CELSR1: variants seen among roughly 807,000 people sequenced by gnomAD.
The protein encoded by CELSR1 is adhesion G protein-coupled receptor C1.
A neutral mutation model predicts 249.1 loss-of-function variants in CELSR1; 110 were observed. That is an observed-to-expected ratio of 0.44 (90% CI 0.38 to 0.52). The LOEUF (loss-of-function observed/expected upper bound fraction) is 0.52, where lower values mean the gene tolerates loss of function less well. CELSR1 is among the 20% of genes least tolerant of loss of function. CELSR1 has a pLI of 0.00. For missense variants in CELSR1, 4,109 were observed against 4,296.4 expected, an observed-to-expected ratio of 0.96 and a Z score of 1.22; for synonymous variants, 2,113 against 1,900.0, an observed-to-expected ratio of 1.11 and a Z score of -2.92.
chr22:46,468,751 T>A lies in CELSR1; in HGVS notation c.3545-4406A>T, dbSNP rs1044604704. Among the ~76,000 whole-genome samples, 4 of 152,106 alleles carry A rather than the reference T, an allele frequency of 2.6e-5. No homozygotes were observed. The highest frequency in any genetic ancestry group is 7.2e-5 in the African/African-American group (3 of 41,428). ...ACACACTTAAAAATGGTTAAAGTGGTAAACGTATGTGTATTTTACCACAAT... is the reference window on the plus strand; with the variant it reads ...ACACACTTAAAAATGGTTAAAGTGGAAAACGTATGTGTATTTTACCACAAT... On this transcript the variant is annotated intron_variant, in intron 1 of 34. Coordinates refer to ENST00000674500, the MANE Select transcript of CELSR1 (RefSeq NM_001378328.1). The surrounding 1 kb of genome is among the most constrained non-coding windows in gnomAD (Gnocchi z 4.5).
rs2079346066 is a variant in CELSR1, at chr22:46,412,240, C to T, written c.4612-481G>A. On this transcript the variant is annotated intron_variant, in intron 5 of 34. Transcript: ENST00000674500. The surrounding 1 kb of genome is among the most constrained non-coding windows in gnomAD (Gnocchi z 4.5). ...TTCGGAGGAGGCACGGCCCTACCCG[C>T]GCCTTGACTTCTAGGCACCAGACTG... Among the ~76,000 whole-genome samples, 1 of 152,184 alleles carries T rather than the reference C, an allele frequency of 6.6e-6. No individual in the cohort carries two copies. Among genetic ancestry groups the T allele is most frequent in the South Asian group, 2.1e-4 (1 of 4,822 alleles).
At position 46,534,570 on chromosome 22, in the gene CELSR1, G is replaced by A. The variant is rs145326342; in HGVS notation, c.2601C>T (p.Asn867=). The stretch of plus-strand genomic sequence containing the variant: ...TGGTGTCTGATTTCTGCGGGATGCC[G>A]TTGTCCTGGGCCATGATGGTCAGCG... ...AYTLTIMAQD[N]GIPQKSDTTT... The change falls in exon 1 of 35, where the codon AAC becomes AAT. Residue 867 remains asparagine (N), a synonymous_variant. Transcript: ENST00000674500. The surrounding 1 kb of genome is among the most constrained non-coding windows in gnomAD (Gnocchi z 9.7). 2.7e-5 allele frequency: 43 copies of A among 1,613,742 alleles called. No homozygotes were observed. Among genetic ancestry groups the A allele is most frequent in the African/African-American group, 1.2e-4 (9 of 75,044 alleles).
chr22:46,507,132 G>C (rs183106239), intron 1 of CELSR1, among the ~76,000 whole-genome samples: 1 of 152,296 alleles, frequency 6.6e-6, no homozygotes, highest in East Asian at 1.9e-4. Context: ...GTTGCAGTGA[G>C]CTGAGACCGC....
rs1031354365 is a variant in CELSR1, at chr22:46,436,196, C to T, written c.4500G>A (p.Gln1500=). Residue 1500 remains glutamine, a synonymous_variant, in exon 4 of 35, where the codon CAG becomes CAA. Coordinates refer to ENST00000674500, the MANE Select transcript of CELSR1 (RefSeq NM_001378328.1). The surrounding 1 kb of genome is among the most constrained non-coding windows in gnomAD (Gnocchi z 5.9). The part of the protein sequence containing the change: ...DFIALEIVDE[Q]VQLTFSAGET... ...CACCTGCAGAGAAGGTGAGCTGCACCTGCTCGTCCACGATCTCCAGGGCGA... is the reference window on the plus strand; with the variant it reads ...CACCTGCAGAGAAGGTGAGCTGCACTTGCTCGTCCACGATCTCCAGGGCGA... 9.3e-6 allele frequency: 15 copies of T among 1,611,410 alleles called. No individual in the cohort carries two copies. In the Admixed American group the frequency reaches 1.5e-4, roughly 16 times the overall value.
intron 13 of CELSR1, among the ~76,000 whole-genome samples, chr22:46,394,955 C>T (rs996945795): frequency 6.6e-6 from 1 of 152,206 alleles, no homozygotes; most frequent in African/African-American, 2.4e-5. Context: ...CAGGGCTGCA[C>T]CTGCGCAGTC....
chr22:46,381,968 C>A lies in CELSR1; in HGVS notation c.6966G>T (p.Pro2322=). ...CAGGGTGTCGCCTCCGCCTGCTGAT[C>A]GGGGCCTCCCTCTCGGTGCCAGGCC... The part of the protein sequence containing the change: ...RPGPGTEREA[P]ISRRRRHPDD... The change falls in exon 21 of 35, where the codon CCG becomes CCT. Residue 2322 remains proline, a synonymous_variant. Transcript: ENST00000674500. This position sits in a 1 kb window ranked among gnomAD's most constrained non-coding sequence, Gnocchi z 6.0. The A allele has an allele frequency of 1.3e-6, 2 of 1,565,198 alleles. No individual in the cohort carries two copies. Among genetic ancestry groups the A allele is most frequent in the Admixed American group, 1.8e-5 (1 of 54,060 alleles).
Position 46,411,121 on chromosome 22 carries a change from T to A in CELSR1, c.4769+481A>T, listed in dbSNP as rs1046139404. On this transcript the variant is annotated intron_variant, in intron 6 of 34. Coordinates refer to ENST00000674500, the MANE Select transcript of CELSR1 (RefSeq NM_001378328.1). The surrounding 1 kb of genome is among the most constrained non-coding windows in gnomAD (Gnocchi z 4.2). ...GGCTGTGGCAGGAGGATGGCTTGAG[T>A]CCAGGAGGTCAAGGCTTCAGTGAGC... 6.6e-6 allele frequency among the ~76,000 whole-genome samples: 1 copy of A among 151,848 alleles called. No homozygotes were observed. Among genetic ancestry groups the A allele is most frequent in the Admixed American group, 6.6e-5 (1 of 15,238 alleles).
intron 1 of CELSR1, among the ~76,000 whole-genome samples, chr22:46,465,540 C>T (rs969344095): frequency 9.9e-5 from 15 of 152,122 alleles, no homozygotes; most frequent in Non-Finnish European, 1.9e-4. Flanking sequence ...GCCCAGAGGC[C>T]ACCTTGTCAC....
At chr22:46,481,242 CA>C (rs112875441) in intron 1 of CELSR1, 3,001 of 281,784 alleles carry the variant, frequency 0.011, no homozygotes, top group South Asian at 0.016. Flanking sequence ...GACCATGTCT[CA>C]AAAAAAAAAA....
rs2079413442 is a variant in CELSR1 at position 46,417,238 on chromosome 22, G to T, written c.4612-5479C>A. Among the ~76,000 whole-genome samples, 1 of 152,216 alleles carries T rather than the reference G, an allele frequency of 6.6e-6. No individual in the cohort carries two copies. The highest frequency in any genetic ancestry group is 1.5e-5 in the Non-Finnish European group (1 of 68,046). On this transcript the variant is annotated intron_variant, in intron 5 of 34. Coordinates refer to ENST00000674500, the MANE Select transcript of CELSR1 (RefSeq NM_001378328.1). This position sits in a 1 kb window ranked among gnomAD's most constrained non-coding sequence, Gnocchi z 4.1. ...CATGGAGACGACAAGCTCTCCCTCGGAGGCAGCCACTGCAGTTCTCCGAAG... is the reference window on the plus strand; with the variant it reads ...CATGGAGACGACAAGCTCTCCCTCGTAGGCAGCCACTGCAGTTCTCCGAAG...
Position 46,437,761 on chromosome 22 carries a change from A to G in CELSR1, c.4406+1428T>C, listed in dbSNP as rs1199650857. Among the ~76,000 whole-genome samples the G allele has an allele frequency of 6.6e-6, 1 of 151,942 alleles. No individual in the cohort carries two copies. Among genetic ancestry groups the G allele is most frequent in the Non-Finnish European group, 1.5e-5 (1 of 68,022 alleles). On this transcript the variant is annotated intron_variant, in intron 3 of 34. Coordinates refer to ENST00000674500, the MANE Select transcript of CELSR1 (RefSeq NM_001378328.1). This position sits in a 1 kb window ranked among gnomAD's most constrained non-coding sequence, Gnocchi z 4.9. ...AAGCAAGACTCCGTCTCAAAAAAAAAAAAAAAACTGATGGTTCCCAACTGT... is the reference window on the plus strand; with the variant it reads ...AAGCAAGACTCCGTCTCAAAAAAAAGAAAAAAACTGATGGTTCCCAACTGT...
At chr22:46,394,734 T>C (rs1377963306) in intron 13 of CELSR1, among the ~76,000 whole-genome samples, 10 of 152,312 alleles carry the variant, frequency 6.6e-5, no homozygotes, top group Middle Eastern at 3.4e-3. Context: ...GACCCACAGA[T>C]GCTCAGGGCA....
intron 5 of CELSR1, among the ~76,000 whole-genome samples, chr22:46,414,908 CTG>C (rs376135874): frequency 2.9e-4 from 44 of 152,224 alleles, no homozygotes; most frequent in African/African-American, 1.0e-3. Flanking sequence ...AGTGGGCAAA[CTG>C]TGGCCCATCC....
rs2079174389 is a variant in CELSR1 at position 46,398,418 on chromosome 22, C to T, written c.5526+106G>A. 3.0e-5 allele frequency: 21 copies of T among 708,674 alleles called. No individual in the cohort carries two copies. Among genetic ancestry groups the T allele is most frequent in the Non-Finnish European group, 4.2e-5 (18 of 428,624 alleles). The allele number at this position is 708,674 out of a possible 1,614,324, so 43.9% of individuals were successfully genotyped here. A position where few individuals can be genotyped will look rare whatever the true frequency, so the allele number is the denominator to read the frequency against. ...ATGCCTGTCAGACAAATTCTTCACTCGTTGAAAGCTAACAGGTTGACCAAC... is the reference window on the plus strand; with the variant it reads ...ATGCCTGTCAGACAAATTCTTCACTTGTTGAAAGCTAACAGGTTGACCAAC... On this transcript the variant is annotated intron_variant, in intron 11 of 34. Transcript: ENST00000674500. The surrounding 1 kb of genome is among the most constrained non-coding windows in gnomAD (Gnocchi z 7.2).
intron 5 of CELSR1, among the ~76,000 whole-genome samples, chr22:46,425,195 T>C (rs540558009): frequency 2.0e-5 from 3 of 152,328 alleles, no homozygotes. Context: ...GCTGTACCAC[T>C]TGTGTGCAGG....
chr22:46,485,305 T>G (rs1259714658), intron 1 of CELSR1, among the ~76,000 whole-genome samples: 1 of 152,212 alleles, frequency 6.6e-6, no homozygotes, highest in African/African-American at 2.4e-5. Flanking sequence ...TGGGTTCTGC[T>G]GGAAGACAAG....
chr22:46,534,594 C>T lies in CELSR1; in HGVS notation c.2577G>A (p.Thr859=), dbSNP rs765739414. 6.8e-6 allele frequency: 11 copies of T among 1,613,728 alleles called. No individual in the cohort carries two copies. In the African/African-American group the frequency reaches 1.1e-4, roughly 16 times the overall value. Residue 859 remains threonine (T), a synonymous_variant, in exon 1 of 35, where the codon ACG becomes ACA. Transcript: ENST00000674500. This position sits in a 1 kb window ranked among gnomAD's most constrained non-coding sequence, Gnocchi z 9.7. ...CGTTGTCCTGGGCCATGATGGTCAG[C>T]GTGTAGGCGACCTGGTTCTCATAGT... ...ELDYENQVAY[T]LTIMAQDNGI...
chr22:46,439,797 G>A (rs1270427375), intron 2 of CELSR1, among the ~76,000 whole-genome samples: 4 of 152,060 alleles, frequency 2.6e-5, no homozygotes. Flanking sequence ...AGCACCTCAG[G>A]CCCCTCCCCA....
intron 1 of CELSR1, among the ~76,000 whole-genome samples, chr22:46,531,767 G>C (rs35717175): frequency 0.14 from 21,806 of 152,068 alleles, 2,082 homozygotes; most frequent in African/African-American, 0.25. Flanking sequence ...AAACACATGA[G>C]AGCGCAAATA....
Sources: allele counts gnomAD v4.1 joint callset (sites outside exome capture counted in the v4.1 genomes callset), GRCh38; gene constraint gnomAD v4.1.1; non-coding constraint Gnocchi (gnomAD v3.1); transcripts MANE v1.5; gene names NCBI Gene and HGNC (gene_info 2026-07-23, HGNC 2026-07-21).